Variants in MACROD2 observed in about 807,000 individuals in gnomAD.
MACROD2 encodes the protein ADP-ribose glycohydrolase MACROD2.
In MACROD2, 36 loss-of-function variants were observed where a neutral mutation model predicts 70.4. The ratio of observed to expected loss-of-function variants is 0.51; its 90% confidence interval spans 0.39 to 0.68. The LOEUF is 0.68. Among genes scored for constraint, MACROD2 ranks in the 30% least tolerant of loss-of-function variants. The pLI is 0.00. For missense variants in MACROD2, 496 were observed against 538.4 expected, an observed-to-expected ratio of 0.92 and a Z score of 0.78; for synonymous variants, 172 against 178.8, an observed-to-expected ratio of 0.96 and a Z score of 0.30.
chr20:14,550,723 TAC>T (rs1978596688), intron 4 of MACROD2, among the ~76,000 whole-genome samples: 1 of 152,232 alleles, frequency 6.6e-6, no homozygotes, highest in African/African-American at 2.4e-5. Flanking sequence ...ATTTATAGTT[TAC>T]ATCTATTGTT....
chr20:14,138,762 TCCACACAC>T (rs1331378161), intron 3 of MACROD2, among the ~76,000 whole-genome samples: 4 of 81,698 alleles, frequency 4.9e-5, no homozygotes, highest in East Asian at 3.8e-4. Context: ...TCTTAAGTTT[TCCACACAC>T]ACACACACAC....
Position 14,493,679 on chromosome 20 carries a change from T to A in MACROD2, c.301+171T>A. On this transcript the variant is annotated intron_variant, in intron 4 of 17. Coordinates refer to ENST00000684519, the MANE Select transcript of MACROD2 (RefSeq NM_001351661.2). ...TATAATATAAATACCTTGGTTTGCT[T>A]AAATGTTATTTTAATTGACTTCGAG... The A allele has an allele frequency of 5.5e-6, 3 of 549,312 alleles. No homozygotes were observed. In the South Asian group the frequency reaches 6.8e-5, roughly 12 times the overall value. 34.0% of individuals were successfully genotyped at this position (549,312 alleles called of 1,614,324 possible).
At chr20:14,075,214 T>C (rs1290270030) in intron 2 of MACROD2, among the ~76,000 whole-genome samples, 17 of 152,208 alleles carry the variant, frequency 1.1e-4, no homozygotes, top group Admixed American at 1.1e-3. Context: ...AAATTTTCTA[T>C]GCGTGAAATT....
intron 3 of MACROD2, among the ~76,000 whole-genome samples, chr20:14,408,638 A>AAG (rs1161972542): frequency 2.0e-5 from 3 of 152,196 alleles, no homozygotes; most frequent in Admixed American, 2.0e-4. Context: ...GGTGGACCCA[A>AAG]AGAGAAGCCA....
At chr20:16,019,904 CT>C (rs900019082) in intron 15 of MACROD2, among the ~76,000 whole-genome samples, 9 of 152,194 alleles carry the variant, frequency 5.9e-5, no homozygotes, top group African/African-American at 2.2e-4. Context: ...GCACATGTTG[CT>C]TCTGTCCACA....
chr20:15,827,065 A>C (rs1232841388), intron 8 of MACROD2, among the ~76,000 whole-genome samples: 1 of 152,168 alleles, frequency 6.6e-6, no homozygotes, highest in African/African-American at 2.4e-5. Flanking sequence ...TGTTTCTTGA[A>C]AGCCATTTTC....
chr20:15,369,093 G>A (rs565759760), intron 6 of MACROD2, among the ~76,000 whole-genome samples: 38 of 152,156 alleles, frequency 2.5e-4, no homozygotes, highest in African/African-American at 8.9e-4. Flanking sequence ...AGGTATTTGA[G>A]ATAACATATT....
chr20:14,891,013 A>T (rs144248507), intron 5 of MACROD2, among the ~76,000 whole-genome samples: 1,121 of 64,112 alleles, frequency 0.017, 10 homozygotes, highest in African/African-American at 0.068. Context: ...CTCCCTTCCT[A>T]CCTTCCTTCC....
chr20:14,656,367 G>A (rs1985977182), intron 4 of MACROD2, among the ~76,000 whole-genome samples: 1 of 152,128 alleles, frequency 6.6e-6, no homozygotes, highest in African/African-American at 2.4e-5. Flanking sequence ...TAAAAAGGTG[G>A]GGATTAAACC....
At chr20:15,911,636 A>T (rs916736655) in intron 10 of MACROD2, among the ~76,000 whole-genome samples, 1 of 152,206 alleles carries the variant, frequency 6.6e-6, no homozygotes, top group South Asian at 2.1e-4. Context: ...GTGCAAGGGT[A>T]TGGACTGAAA....
rs1430938113 is a variant in MACROD2 at position 13,995,676 on chromosome 20, C to T, written c.-88C>T. 12 of 895,764 alleles carry T rather than the reference C, an allele frequency of 1.3e-5. No individual in the cohort carries two copies. In the African/African-American group the frequency reaches 1.8e-4, roughly 13 times the overall value. The allele number at this position is 895,764 out of a possible 1,614,324, so 55.5% of individuals were successfully genotyped here. On this transcript the variant is annotated 5_prime_UTR_variant, in exon 1 of 18. Coordinates refer to ENST00000684519, the MANE Select transcript of MACROD2 (RefSeq NM_001351661.2). The surrounding 1 kb of genome is among the most constrained non-coding windows in gnomAD (Gnocchi z 4.3). Reference sequence around the variant, plus strand: ...TTTCACTTTTTCCCTGCTGAGTGCCCCCTCCCACCCCTCCCACTCCACACA... The same window carrying T: ...TTTCACTTTTTCCCTGCTGAGTGCCTCCTCCCACCCCTCCCACTCCACACA...
chr20:15,519,746 G>A (rs1218460717), intron 8 of MACROD2, among the ~76,000 whole-genome samples: 2 of 152,210 alleles, frequency 1.3e-5, no homozygotes, highest in Non-Finnish European at 2.9e-5. Context: ...CTGGAAGAAT[G>A]AGGTAAGAAT....
intron 4 of MACROD2, among the ~76,000 whole-genome samples, chr20:14,604,584 C>T (rs1240187598): frequency 1.3e-5 from 2 of 152,178 alleles, no homozygotes; most frequent in African/African-American, 2.4e-5. Flanking sequence ...CAAAAACATC[C>T]GTGTGTCTAA....
chr20:15,054,714 A>T (rs1161088091), intron 5 of MACROD2, among the ~76,000 whole-genome samples: 1 of 152,126 alleles, frequency 6.6e-6, no homozygotes, highest in Non-Finnish European at 1.5e-5. Context: ...TGTAGTACAA[A>T]ATGTCATTTA....
rs151144427 is a variant in MACROD2, at chr20:15,452,712, C to T, written c.571+21277C>T. On this transcript the variant is annotated intron_variant, in intron 7 of 17. Transcript: ENST00000684519. Reference sequence around the variant, plus strand: ...GCTCTGCCATCTGGCTCTCACAAAACTCAGGGCCAGGGGCTTGTGGGTAGG... The same window carrying T: ...GCTCTGCCATCTGGCTCTCACAAAATTCAGGGCCAGGGGCTTGTGGGTAGG... 2.3e-3 allele frequency among the ~76,000 whole-genome samples: 356 copies of T among 152,262 alleles called. 3 individuals carry two copies. Among genetic ancestry groups the T allele is most frequent in the African/African-American group, 7.9e-3 (329 of 41,560 alleles).
At chr20:14,105,009 G>C (rs1416738703) in intron 3 of MACROD2, among the ~76,000 whole-genome samples, 1 of 152,070 alleles carries the variant, frequency 6.6e-6, no homozygotes, top group African/African-American at 2.4e-5. Flanking sequence ...TGAGGCCTAG[G>C]GGCTGGCTAA....
At chr20:14,157,742 C>T (rs183309777) in intron 3 of MACROD2, among the ~76,000 whole-genome samples, 111 of 152,242 alleles carry the variant, frequency 7.3e-4, no homozygotes, top group Non-Finnish European at 4.4e-4. Flanking sequence ...ATCCATGTTG[C>T]TGCAAAAGAC....
intron 2 of MACROD2, among the ~76,000 whole-genome samples, chr20:14,040,113 A>G (rs1160239438): frequency 6.6e-6 from 1 of 152,144 alleles, no homozygotes; most frequent in Non-Finnish European, 1.5e-5. Flanking sequence ...GTTGCCAACA[A>G]CAGGGATATA....
chr20:14,427,272 T>A (rs938135851), intron 3 of MACROD2, among the ~76,000 whole-genome samples: 11 of 152,044 alleles, frequency 7.2e-5, no homozygotes, highest in Non-Finnish European at 1.6e-4. Flanking sequence ...TGTTGATAAA[T>A]CTAGCAGATA....
Sources: allele counts gnomAD v4.1 joint callset (sites outside exome capture counted in the v4.1 genomes callset), GRCh38; gene constraint gnomAD v4.1.1; non-coding constraint Gnocchi (gnomAD v3.1); transcripts MANE v1.5; gene names NCBI Gene and HGNC (gene_info 2026-07-23, HGNC 2026-07-21).